Variants in GHR observed in about 807,000 individuals in gnomAD.
The protein encoded by GHR is growth hormone receptor, also known as GH receptor.
A neutral mutation model predicts 67.1 loss-of-function variants in GHR; 35 were observed. The observed-to-expected ratio is 0.52, with a 90% CI of 0.40 to 0.69. The LOEUF (loss-of-function observed/expected upper bound fraction) is 0.69, where lower values mean the gene tolerates loss of function less well. Ranked by LOEUF, GHR falls within the 30% of genes least tolerant of loss-of-function variation. GHR has a pLI of 0.00. For missense variants in GHR, 792 were observed against 764.6 expected, an observed-to-expected ratio of 1.04 and a Z score of -0.42; for synonymous variants, 272 against 269.1, an observed-to-expected ratio of 1.01 and a Z score of -0.10.
In GHR at chr5:42,457,457, C is replaced by T. The variant is rs72753083; in HGVS notation, c.-12+33502C>T. Among the ~76,000 whole-genome samples the T allele has an allele frequency of 4.3e-3, 650 of 152,130 alleles. 1 individual carries two copies. Among genetic ancestry groups the T allele is most frequent in the Non-Finnish European group, 7.3e-3 (494 of 67,994 alleles). On this transcript the variant is annotated intron_variant, in intron 1 of 9. Coordinates refer to ENST00000230882, the MANE Select transcript of GHR (RefSeq NM_000163.5). ...TGCCAGCAGTGTTCCAAGTGATTTG[C>T]GTAAATATCAAATTTGTTCCACACA...
At chr5:42,663,878 A>C (rs1318625428) in intron 3 of GHR, among the ~76,000 whole-genome samples, 1 of 152,246 alleles carries the variant, frequency 6.6e-6, no homozygotes, top group African/African-American at 2.4e-5. Flanking sequence ...CCTTAAGCTG[A>C]TAAACAACTT....
At chr5:42,603,142 GTT>G (rs59073571) in intron 2 of GHR, among the ~76,000 whole-genome samples, 3 of 150,190 alleles carry the variant, frequency 2.0e-5, no homozygotes, top group Non-Finnish European at 4.4e-5. Context: ...TAGGTTTTGT[GTT>G]TTTTTTTTCT....
chr5:42,504,781 A>G (rs1746688035), intron 1 of GHR, among the ~76,000 whole-genome samples: 1 of 152,148 alleles, frequency 6.6e-6, no homozygotes, highest in South Asian at 2.1e-4. Context: ...ATAAAATAAA[A>G]GTAAAGGTAT....
At chr5:42,653,196 C>T (rs748130312) in intron 3 of GHR, among the ~76,000 whole-genome samples, 35 of 152,054 alleles carry the variant, frequency 2.3e-4, no homozygotes, top group Non-Finnish European at 4.3e-4. Flanking sequence ...GCAGAATTTC[C>T]TGAATGAGAC....
At chr5:42,635,745 C>G (rs767289988) in intron 3 of GHR, among the ~76,000 whole-genome samples, 1 of 152,148 alleles carries the variant, frequency 6.6e-6, no homozygotes. Flanking sequence ...ACCTGTTTCT[C>G]TCTGTGCATT....
At chr5:42,665,234 C>G (rs1755894526) in intron 3 of GHR, among the ~76,000 whole-genome samples, 1 of 152,106 alleles carries the variant, frequency 6.6e-6, no homozygotes, top group Non-Finnish European at 1.5e-5. Flanking sequence ...TTGACCCAGC[C>G]ATCCCATTAC....
intron 1 of GHR, chr5:42,468,756 C>G: frequency 9.4e-7 from 1 of 1,062,808 alleles, no homozygotes; most frequent in Non-Finnish European, 1.5e-6. Flanking sequence ...CTTCTTTTTT[C>G]TTGTTCTCTC....
intron 1 of GHR, among the ~76,000 whole-genome samples, chr5:42,531,698 T>C (rs1288198181): frequency 6.6e-6 from 1 of 152,188 alleles, no homozygotes; most frequent in African/African-American, 2.4e-5. Context: ...CTGAATCACA[T>C]TGTAGTATAT....
chr5:42,484,734 TA>T (rs1745803754), intron 1 of GHR, among the ~76,000 whole-genome samples: 1 of 152,222 alleles, frequency 6.6e-6, no homozygotes, highest in Admixed American at 6.5e-5. Context: ...ACTTTGAGAA[TA>T]AAAAGCTCAC....
At chr5:42,481,987 C>A (rs1356961835) in intron 1 of GHR, among the ~76,000 whole-genome samples, 1 of 151,230 alleles carries the variant, frequency 6.6e-6, no homozygotes, top group African/African-American at 2.4e-5. Context: ...AGTTTTTCTG[C>A]TGTTTTTTCC....
intron 2 of GHR, among the ~76,000 whole-genome samples, chr5:42,566,709 C>T (rs1749963474): frequency 6.6e-6 from 1 of 150,932 alleles, no homozygotes; most frequent in Admixed American, 6.6e-5. Flanking sequence ...TTTTTCCTTG[C>T]CTGGGCTTCT....
chr5:42,548,037 C>T (rs575051255), intron 1 of GHR: 2 of 970,662 alleles, frequency 2.1e-6, no homozygotes, highest in African/African-American at 1.8e-5. Context: ...AGTTCTAACG[C>T]TTAGCCCTCT....
chr5:42,447,704 TCTCC>T (rs113240038), intron 1 of GHR, among the ~76,000 whole-genome samples: 70 of 119,244 alleles, frequency 5.9e-4, no homozygotes, highest in South Asian at 1.4e-3. Context: ...TCCCTCTATC[TCTCC>T]CTCCCTCCCT....
At chr5:42,634,381 T>G (rs989853611) in intron 3 of GHR, among the ~76,000 whole-genome samples, 4 of 152,018 alleles carry the variant, frequency 2.6e-5, no homozygotes, top group African/African-American at 9.7e-5. Context: ...TTCAACCAAA[T>G]GTAGTGCTTT....
intron 2 of GHR, among the ~76,000 whole-genome samples, chr5:42,588,504 C>A (rs1751601702): frequency 1.1e-5 from 1 of 87,198 alleles, no homozygotes; most frequent in Non-Finnish European, 2.2e-5. Context: ...CCAGCCTGGG[C>A]AGCAAAAGCG....
At chr5:42,595,173 C>A (rs1751999809) in intron 2 of GHR, among the ~76,000 whole-genome samples, 1 of 152,098 alleles carries the variant, frequency 6.6e-6, no homozygotes, top group Non-Finnish European at 1.5e-5. Flanking sequence ...TATTTTGTTA[C>A]CCACCTTGGA....
intron 3 of GHR, among the ~76,000 whole-genome samples, chr5:42,679,607 G>C (rs999310920): frequency 6.6e-6 from 1 of 151,468 alleles, no homozygotes; most frequent in Admixed American, 6.6e-5. Context: ...CCTGGCGACA[G>C]AGCGAGACTG....
chr5:42,470,736 AAATGTTCC>A (rs1412083214), intron 1 of GHR, among the ~76,000 whole-genome samples: 1 of 152,124 alleles, frequency 6.6e-6, no homozygotes, highest in African/African-American at 2.4e-5. Flanking sequence ...TGTTAAATGG[AAATGTTCC>A]CCTGGCTCTA....
At chr5:42,693,002 AATTT>A (rs1757492549) in intron 4 of GHR, among the ~76,000 whole-genome samples, 1 of 151,886 alleles carries the variant, frequency 6.6e-6, no homozygotes, top group Non-Finnish European at 1.5e-5. Context: ...ACCTATTCCT[AATTT>A]TTTTAACATT....
Sources: gnomAD v4.1 joint callset for allele counts (sites outside exome capture counted in the v4.1 genomes callset) on GRCh38, gnomAD v4.1.1 for gene constraint, MANE v1.5 for transcripts, NCBI Gene and HGNC (gene_info 2026-07-23, HGNC 2026-07-21) for gene names.